The following NRXN3 variants were observed in gnomAD, a reference collection of about 807,000 sequenced individuals.
NRXN3 encodes neurexin 3.
NRXN3 carries 32 observed loss-of-function variants against 137.6 expected under a neutral mutation model. The observed-to-expected ratio is 0.23, with a 90% CI of 0.18 to 0.31. The LOEUF (loss-of-function observed/expected upper bound fraction) is 0.31, where lower values mean the gene tolerates loss of function less well. Ranked by LOEUF, NRXN3 falls within the 10% of genes least tolerant of loss-of-function variation. The probability of loss-of-function intolerance (pLI) is 1.00; values close to 1 mark genes in which losing one functional copy is unlikely to be tolerated. For synonymous variants in NRXN3, 798 were observed against 784.5 expected (o/e 1.02, Z -0.29); for missense variants, 1,574 against 2,062.5 (o/e 0.76, Z 4.59).
intron 15 of NRXN3, among the ~76,000 whole-genome samples, chr14:79,457,121 G>T (rs2096268668): frequency 6.6e-6 from 1 of 151,786 alleles, no homozygotes; most frequent in African/African-American, 2.4e-5. Flanking sequence ...TAGTCCATCT[G>T]CTGTATATAA....
chr14:79,737,758 T>A (rs2098947186), intron 19 of NRXN3, among the ~76,000 whole-genome samples: 1 of 151,950 alleles, frequency 6.6e-6, no homozygotes, highest in Admixed American at 6.6e-5. Context: ...AGGGTCTCCC[T>A]ATATTGCCAT....
intron 4 of NRXN3, among the ~76,000 whole-genome samples, chr14:78,430,761 C>T (rs898943202): frequency 1.2e-4 from 18 of 152,188 alleles, no homozygotes; most frequent in Non-Finnish European, 1.5e-4. Context: ...CCATTTGGAA[C>T]AATAAAGAAA....
intron 4 of NRXN3, among the ~76,000 whole-genome samples, chr14:78,412,553 A>G (rs573813207): frequency 2.0e-5 from 3 of 152,208 alleles, no homozygotes; most frequent in Non-Finnish European, 4.4e-5. Flanking sequence ...ATACCCTAGA[A>G]CATACATATT....
At chr14:79,256,112 C>CTCCCT (rs1052196262) in intron 15 of NRXN3, among the ~76,000 whole-genome samples, 1 of 152,000 alleles carries the variant, frequency 6.6e-6, no homozygotes, top group Non-Finnish European at 1.5e-5. Flanking sequence ...CTCTGTCTCT[C>CTCCCT]TCCCTCTCTG....
intron 8 of NRXN3, among the ~76,000 whole-genome samples, chr14:78,766,177 C>A (rs997762973): frequency 6.6e-6 from 1 of 152,192 alleles, no homozygotes; most frequent in Non-Finnish European, 1.5e-5. Context: ...CCTTTGTAGA[C>A]ATCTATTGCT....
intron 10 of NRXN3, among the ~76,000 whole-genome samples, chr14:78,913,303 CAG>C (rs1344226704): frequency 3.3e-5 from 2 of 59,968 alleles, no homozygotes; most frequent in East Asian, 2.0e-3. Context: ...TTTTTTGAGA[CAG>C]AGTCTTGCTG....
At chr14:79,246,772 G>C (rs2075248134) in intron 15 of NRXN3, 1 of 152,088 alleles carries the variant, frequency 6.6e-6, no homozygotes, top group African/African-American at 2.4e-5. Context: ...AACTTTTTGA[G>C]ACAACATTTT....
At chr14:79,558,444 T>C (rs2097453837) in intron 16 of NRXN3, among the ~76,000 whole-genome samples, 1 of 152,188 alleles carries the variant, frequency 6.6e-6, no homozygotes, top group African/African-American at 2.4e-5. Flanking sequence ...GATGCTATGT[T>C]ATCAGATATG....
intron 10 of NRXN3, among the ~76,000 whole-genome samples, chr14:78,816,589 T>G (rs752830446): frequency 1.3e-5 from 2 of 152,196 alleles, no homozygotes; most frequent in African/African-American, 4.8e-5. Context: ...CTCAGCTTTT[T>G]ACTACTAAAA....
At chr14:79,439,335 T>A (rs960721523) in intron 15 of NRXN3, among the ~76,000 whole-genome samples, 3 of 152,222 alleles carry the variant, frequency 2.0e-5, no homozygotes, top group Admixed American at 2.0e-4. Flanking sequence ...TAATTTAATA[T>A]ACATTTAATA....
chr14:78,847,853 C>A (rs1223522905), intron 10 of NRXN3, among the ~76,000 whole-genome samples: 2 of 152,082 alleles, frequency 1.3e-5, no homozygotes, highest in African/African-American at 4.8e-5. Context: ...CATCTATATA[C>A]ACTTTTTCAA....
At chr14:78,686,230 C>A (rs967301412) in intron 6 of NRXN3, among the ~76,000 whole-genome samples, 2 of 152,322 alleles carry the variant, frequency 1.3e-5, no homozygotes, top group South Asian at 4.1e-4. Flanking sequence ...GGCATGGCTT[C>A]CACATTTATT....
chr14:79,789,467 A>G (rs980118258), intron 19 of NRXN3, among the ~76,000 whole-genome samples: 9 of 152,162 alleles, frequency 5.9e-5, no homozygotes, highest in Non-Finnish European at 1.3e-4. Context: ...CAAGTTTCTT[A>G]AGAAAGTAAA....
At chr14:79,584,620 A>G (rs1165430671) in intron 16 of NRXN3, among the ~76,000 whole-genome samples, 1 of 152,168 alleles carries the variant, frequency 6.6e-6, no homozygotes, top group Non-Finnish European at 1.5e-5. Flanking sequence ...ACAGTGTTTT[A>G]TACAGATTCG....
Position 78,966,262 on chromosome 14 carries a change from A to G in NRXN3, c.2633A>G (p.Lys878Arg). The change falls in exon 12 of 21, where the codon AAG becomes AGG. Residue 878 changes from lysine (K) to arginine (R), a missense_variant. By Grantham distance (26) the Lys-to-Arg change is conservative. Coordinates refer to ENST00000335750, the MANE Select transcript of NRXN3 (RefSeq NM_001330195.2). ...GCTGACCCTGTCACCTTTAAGACCA[A>G]GAGCAGCTACCTGAGCCTTGCCACT... is the stretch of plus-strand genomic sequence containing the variant. ...IIADPVTFKTKSSYLSLATLQ... is the reference protein window; with the variant it reads ...IIADPVTFKTRSSYLSLATLQ... 3 of 1,614,220 alleles carry G rather than the reference A, an allele frequency of 1.9e-6. No individual in the cohort carries two copies. The highest frequency in any genetic ancestry group is 1.3e-5 in the African/African-American group (1 of 75,058).
chr14:79,122,305 A>G (rs1422648110), intron 15 of NRXN3, among the ~76,000 whole-genome samples: 1 of 152,182 alleles, frequency 6.6e-6, no homozygotes, highest in Non-Finnish European at 1.5e-5. Flanking sequence ...CCTACACATC[A>G]CTGCAGGCTG....
intron 4 of NRXN3, among the ~76,000 whole-genome samples, chr14:78,641,257 A>G (rs974029651): frequency 6.6e-6 from 1 of 152,142 alleles, no homozygotes; most frequent in African/African-American, 2.4e-5. Flanking sequence ...ACTGGAAGGA[A>G]ATTAAGATAG....
intron 15 of NRXN3, among the ~76,000 whole-genome samples, chr14:79,184,073 A>G (rs2063245169): frequency 6.6e-6 from 1 of 152,184 alleles, no homozygotes; most frequent in Non-Finnish European, 1.5e-5. Context: ...TACCCTCCAC[A>G]TAGAAGCTGC....
intron 4 of NRXN3, among the ~76,000 whole-genome samples, chr14:78,628,200 G>A (rs1233397513): frequency 6.6e-6 from 1 of 151,760 alleles, no homozygotes; most frequent in Non-Finnish European, 1.5e-5. Flanking sequence ...AGCCTCCCAA[G>A]TAGCTGGGAC....
Sources: gnomAD v4.1 joint callset for allele counts (sites outside exome capture counted in the v4.1 genomes callset) on GRCh38, gnomAD v4.1.1 for gene constraint, MANE v1.5 for transcripts, NCBI Gene and HGNC (gene_info 2026-07-23, HGNC 2026-07-21) for gene names.